PTPN9: variants seen among roughly 807,000 people sequenced by gnomAD.
PTPN9 encodes the protein tyrosine-protein phosphatase non-receptor type 9.
In PTPN9, 26 loss-of-function variants were observed where a neutral mutation model predicts 69.8. That is an observed-to-expected ratio of 0.37 (90% CI 0.27 to 0.52). The LOEUF (loss-of-function observed/expected upper bound fraction) is 0.52. Among genes scored for constraint, PTPN9 ranks in the 20% least tolerant of loss-of-function variants. The pLI, the probability that PTPN9 is intolerant of heterozygous loss-of-function variation, is 0.91. For synonymous variants in PTPN9, 274 were observed against 272.5 expected (o/e 1.01, Z -0.05); for missense variants, 549 against 740.3 (o/e 0.74, Z 3.00).
chr15:75,504,442 C>T (rs1360311016), intron 7 of PTPN9, among the ~76,000 whole-genome samples: 2 of 135,992 alleles, frequency 1.5e-5, no homozygotes, highest in African/African-American at 2.8e-5. Flanking sequence ...GGGGGATCAG[C>T]CCCCCGCCCG....
At chr15:75,485,518 G>A (rs1420579489) in intron 8 of PTPN9, among the ~76,000 whole-genome samples, 7 of 150,848 alleles carry the variant, frequency 4.6e-5, no homozygotes, top group African/African-American at 1.7e-4. Flanking sequence ...ACAGGCGCCC[G>A]CCACCGCGCC....
Position 75,537,939 on chromosome 15 carries a change from A to G in PTPN9, c.64-10678T>C, listed in dbSNP as rs1389450845. Among the ~76,000 whole-genome samples, 4 of 141,396 alleles carry G rather than the reference A, an allele frequency of 2.8e-5. No homozygotes were observed. The East Asian group carries it at 8.8e-4, about 31-fold the overall frequency. 92.8% of individuals were successfully genotyped at this position (141,396 alleles called of 152,430 possible). On this transcript the variant is annotated intron_variant, in intron 1 of 12. Coordinates refer to ENST00000618819, the MANE Select transcript of PTPN9 (RefSeq NM_002833.4). ...CTGTGTGTGGTGGTGCCTGCCTGTA[A>G]TCCCAGCTACTCAGGAGGCTGAGGC...
At chr15:75,508,113 C>T (rs2141312530) in intron 6 of PTPN9, among the ~76,000 whole-genome samples, 1 of 151,354 alleles carries the variant, frequency 6.6e-6, no homozygotes, top group South Asian at 2.1e-4. Context: ...GCAGCTTCCA[C>T]AGAACCAAAT....
chr15:75,517,635 C>T (rs1238082653), intron 4 of PTPN9, among the ~76,000 whole-genome samples: 4 of 152,162 alleles, frequency 2.6e-5, no homozygotes, highest in Admixed American at 6.6e-5. Context: ...ACTGTTTTCT[C>T]CCACCCCTCT....
chr15:75,550,655 C>T (rs1220649379), intron 1 of PTPN9, among the ~76,000 whole-genome samples: 1 of 151,666 alleles, frequency 6.6e-6, no homozygotes. Context: ...GGTGTAGTGG[C>T]GCATGCCTGT....
At chr15:75,556,036 C>CAAA (rs75583219) in intron 1 of PTPN9, among the ~76,000 whole-genome samples, 24 of 43,160 alleles carry the variant, frequency 5.6e-4, no homozygotes, top group African/African-American at 7.9e-4. Context: ...ACCCCCGTCT[C>CAAA]AAAAAAAAAA....
chr15:75,553,523 C>G (rs1464150709), intron 1 of PTPN9, among the ~76,000 whole-genome samples: 1 of 152,130 alleles, frequency 6.6e-6, no homozygotes, highest in Non-Finnish European at 1.5e-5. Flanking sequence ...GCTCTATATT[C>G]CCTCCACTCC....
chr15:75,490,354 G>A, intron 7 of PTPN9, 53 bp from the exon 8 acceptor site: 2 of 1,315,160 alleles, frequency 1.5e-6, no homozygotes. Flanking sequence ...GGGACAGTAT[G>A]TATGTACAAA....
chr15:75,557,424 C>CA (rs375265279), intron 1 of PTPN9, among the ~76,000 whole-genome samples: 27,424 of 143,116 alleles, frequency 0.19, 3,041 homozygotes, highest in Non-Finnish European at 0.26. Context: ...GACTCTGTCT[C>CA]AAAAAAAAAA....
At chr15:75,502,797 G>C (rs2074781069) in intron 7 of PTPN9, among the ~76,000 whole-genome samples, 1 of 152,180 alleles carries the variant, frequency 6.6e-6, no homozygotes, top group Admixed American at 6.6e-5. Context: ...TACTGGAATA[G>C]AGAGTAGCCT....
intron 4 of PTPN9, among the ~76,000 whole-genome samples, chr15:75,521,446 C>T (rs945073118): frequency 1.3e-5 from 2 of 148,868 alleles, no homozygotes; most frequent in Admixed American, 6.6e-5. Flanking sequence ...ACCGAGACTC[C>T]GTCTCAAAGG....
At chr15:75,513,351 A>C in intron 5 of PTPN9, 1 of 456,100 alleles carries the variant, frequency 2.2e-6, no homozygotes, top group African/African-American at 2.0e-5. Context: ...TTCAGTGAAG[A>C]GGCCTTTGGA....
chr15:75,554,151 T>G (rs917906023), intron 1 of PTPN9, among the ~76,000 whole-genome samples: 2 of 151,156 alleles, frequency 1.3e-5, no homozygotes, highest in African/African-American at 4.9e-5. Flanking sequence ...CCCAAGTAGC[T>G]GGGACTACAG....
chr15:75,507,708 A>T (rs2074826903), intron 6 of PTPN9, among the ~76,000 whole-genome samples: 1 of 151,904 alleles, frequency 6.6e-6, no homozygotes. Context: ...CGGAGCTTGC[A>T]GTGAGCCGAG....
intron 1 of PTPN9, among the ~76,000 whole-genome samples, chr15:75,577,211 G>C (rs1007384216): frequency 5.3e-5 from 8 of 152,164 alleles, no homozygotes; most frequent in African/African-American, 1.9e-4. Context: ...CCTGGTTTTA[G>C]TTTTCAAATT....
At position 75,509,663 on chromosome 15, in the gene PTPN9, G is replaced by A. The variant is rs2074836515; in HGVS notation, c.529-636C>T. ...GATCAAGCCATTGCACTTTACCCTG[G>A]GCAACAAGAGTGAAACTCTGTCTCA... On this transcript the variant is annotated intron_variant, in intron 5 of 12. Coordinates refer to ENST00000618819, the MANE Select transcript of PTPN9 (RefSeq NM_002833.4). 2.6e-5 allele frequency among the ~76,000 whole-genome samples: 4 copies of A among 152,050 alleles called. No homozygotes were observed. In the South Asian group the frequency reaches 8.3e-4, roughly 31 times the overall value.
chr15:75,520,539 A>G lies in PTPN9; in HGVS notation c.422+2582T>C, dbSNP rs888804715. Among the ~76,000 whole-genome samples the G allele has an allele frequency of 4.0e-5, 6 of 150,176 alleles. No homozygotes were observed. In the East Asian group the frequency reaches 1.2e-3, roughly 29 times the overall value. On this transcript the variant is annotated intron_variant, in intron 4 of 12. Transcript: ENST00000618819. ...ATACATATACTTTTTTTTTTTTGAG[A>G]CAGAGTTCGCTTTTGTTGCCCAGGC...
chr15:75,496,001 T>G (rs1323846607), intron 7 of PTPN9, among the ~76,000 whole-genome samples: 3 of 148,716 alleles, frequency 2.0e-5, no homozygotes, highest in African/African-American at 7.5e-5. Flanking sequence ...TAGCCAGACG[T>G]GGTGAAGCAT....
intron 7 of PTPN9, among the ~76,000 whole-genome samples, chr15:75,503,594 G>T (rs2074789360): frequency 3.9e-5 from 5 of 127,820 alleles, no homozygotes; most frequent in South Asian, 2.5e-4. Context: ...GGAGGGAGGT[G>T]GGGGGGTCAG....
Sources: gnomAD v4.1 joint callset for allele counts (sites outside exome capture counted in the v4.1 genomes callset) on GRCh38, gnomAD v4.1.1 for gene constraint, MANE v1.5 for transcripts, NCBI Gene and HGNC (gene_info 2026-07-23, HGNC 2026-07-21) for gene names.